The following HS6ST2 variants were observed in gnomAD, a reference collection of about 807,000 sequenced individuals.
HS6ST2 encodes heparan-sulfate 6-O-sulfotransferase 2.
HS6ST2 carries 17 observed loss-of-function variants against 33.0 expected under a neutral mutation model. The ratio of observed to expected loss-of-function variants is 0.52; its 90% CI spans 0.35 to 0.77. The LOEUF (loss-of-function observed/expected upper bound fraction) is 0.77, where lower values mean the gene tolerates loss of function less well. Among genes scored for constraint, HS6ST2 ranks in the 30% least tolerant of loss-of-function variants. HS6ST2 has a pLI of 0.01. For missense variants in HS6ST2, 519 were observed against 551.7 expected, an observed-to-expected ratio of 0.94 and a Z score of 0.59; for synonymous variants, 248 against 237.1, an observed-to-expected ratio of 1.05 and a Z score of -0.42.
chrX:132,810,166 C>G (rs1057189279), intron 2 of HS6ST2, among the ~76,000 whole-genome samples: 1 of 111,616 alleles, frequency 9.0e-6, no homozygotes, highest in African/African-American at 3.3e-5. Context: ...AGTGCTTTGA[C>G]AGGCCGAGGT....
intron 2 of HS6ST2, among the ~76,000 whole-genome samples, chrX:132,916,708 T>C (rs2066596594): frequency 8.9e-6 from 1 of 111,787 alleles, no homozygotes; most frequent in Non-Finnish European, 1.9e-5. Flanking sequence ...TCCGGATTCT[T>C]CAGCTTTTGG....
chrX:132,673,846 C>T (rs1280435438), intron 3 of HS6ST2, among the ~76,000 whole-genome samples: 2 of 111,832 alleles, frequency 1.8e-5, no homozygotes, highest in African/African-American at 6.5e-5. Context: ...TGAAAACTTG[C>T]TTTTCTCTTT....
intron 2 of HS6ST2, among the ~76,000 whole-genome samples, chrX:132,825,403 G>C (rs1486141944): frequency 2.7e-5 from 3 of 111,675 alleles, no homozygotes; most frequent in Non-Finnish European, 5.6e-5. Context: ...GAAATTCTCT[G>C]TCCTATGTTG....
chrX:132,913,149 C>T (rs1168361377), intron 2 of HS6ST2, among the ~76,000 whole-genome samples: 3 of 111,232 alleles, frequency 2.7e-5, no homozygotes, highest in Middle Eastern at 4.2e-3. Context: ...CCTCACACTT[C>T]AGTTGTCAAC....
At chrX:132,946,411 A>G (rs1402699678) in intron 2 of HS6ST2, among the ~76,000 whole-genome samples, 1 of 112,338 alleles carries the variant, frequency 8.9e-6, no homozygotes, top group Non-Finnish European at 1.9e-5. Flanking sequence ...AATTTGGCAC[A>G]TATATGCCAT....
intron 2 of HS6ST2, chrX:132,808,822 C>G (rs1399455280): frequency 8.9e-6 from 1 of 111,886 alleles, no homozygotes; most frequent in Non-Finnish European, 1.9e-5. Context: ...TAGAGGCTCT[C>G]AGGTGGGGCA....
At chrX:132,909,151 C>T (rs1182225704) in intron 2 of HS6ST2, among the ~76,000 whole-genome samples, 2 of 111,663 alleles carry the variant, frequency 1.8e-5, no homozygotes, top group Non-Finnish European at 3.8e-5. Flanking sequence ...GGTGTTACAG[C>T]CTGGCTACCA....
At chrX:132,705,678 C>G (rs1475226048) in intron 3 of HS6ST2, among the ~76,000 whole-genome samples, 3 of 111,985 alleles carry the variant, frequency 2.7e-5, no homozygotes, top group African/African-American at 6.5e-5. Flanking sequence ...AGAAAACTAC[C>G]TGAAGCCAAC....
intron 4 of HS6ST2, among the ~76,000 whole-genome samples, chrX:132,637,550 C>T (rs1471062487): frequency 1.9e-5 from 2 of 105,546 alleles, no homozygotes; most frequent in Non-Finnish European, 3.9e-5. Context: ...AAGGTTTTCC[C>T]TGCACTACTC....
At chrX:132,688,067 C>T (rs1176171161) in intron 3 of HS6ST2, among the ~76,000 whole-genome samples, 1 of 112,480 alleles carries the variant, frequency 8.9e-6, no homozygotes, top group Non-Finnish European at 1.9e-5. Flanking sequence ...TGACAATCCT[C>T]ATACAAATCT....
At chrX:132,745,866 A>G (rs904642640) in intron 2 of HS6ST2, among the ~76,000 whole-genome samples, 2 of 112,115 alleles carry the variant, frequency 1.8e-5, no homozygotes, top group Non-Finnish European at 3.8e-5. Context: ...CTGAGCAACA[A>G]TTGTTTTTCT....
intron 3 of HS6ST2, among the ~76,000 whole-genome samples, chrX:132,683,146 C>T (rs1381674197): frequency 9.0e-6 from 1 of 110,527 alleles, no homozygotes; most frequent in Non-Finnish European, 1.9e-5. Flanking sequence ...TCGAGGTAAA[C>T]AATTAAAAAT....
At chrX:132,644,739 C>T (rs1442143855) in intron 4 of HS6ST2, among the ~76,000 whole-genome samples, 2 of 110,491 alleles carry the variant, frequency 1.8e-5, no homozygotes, top group Admixed American at 9.7e-5. Context: ...CCATTTTATC[C>T]TCTCCCATCC....
At chrX:132,775,687 G>C (rs1437595740) in intron 2 of HS6ST2, among the ~76,000 whole-genome samples, 1 of 111,669 alleles carries the variant, frequency 9.0e-6, no homozygotes, top group African/African-American at 3.3e-5. Flanking sequence ...AGCCGATTGA[G>C]CTCAGATTCA....
At chrX:132,910,077 T>G (rs980207728) in intron 2 of HS6ST2, among the ~76,000 whole-genome samples, 1 of 111,870 alleles carries the variant, frequency 8.9e-6, no homozygotes, top group African/African-American at 3.2e-5. Context: ...TATTTTCACG[T>G]TCGCTCTACC....
intron 2 of HS6ST2, among the ~76,000 whole-genome samples, chrX:132,717,258 C>T (rs912196183): frequency 8.9e-6 from 1 of 112,805 alleles, no homozygotes; most frequent in African/African-American, 3.2e-5. Flanking sequence ...TCCTTTCAGC[C>T]AGCCCCAAAT....
At chrX:132,633,502 A>T (rs1031766874) in intron 4 of HS6ST2, among the ~76,000 whole-genome samples, 1 of 110,949 alleles carries the variant, frequency 9.0e-6, no homozygotes, top group African/African-American at 3.3e-5. Context: ...GACAAAAGGG[A>T]TTCGGGGGAG....
At chrX:132,820,206 GTT>G (rs35273822) in intron 2 of HS6ST2, among the ~76,000 whole-genome samples, 2 of 106,826 alleles carry the variant, frequency 1.9e-5, no homozygotes, top group Non-Finnish European at 3.9e-5. Context: ...ATGCCAGACA[GTT>G]TTTTTTTTAA....
At chrX:132,885,428 A>G (rs780735092) in intron 2 of HS6ST2, among the ~76,000 whole-genome samples, 1 of 111,645 alleles carries the variant, frequency 9.0e-6, no homozygotes, top group Admixed American at 9.6e-5. Flanking sequence ...ATCGGAAGTC[A>G]TGGGTTCTAT....
Sources: gnomAD v4.1 joint callset for allele counts (sites outside exome capture counted in the v4.1 genomes callset) on GRCh38, gnomAD v4.1.1 for gene constraint, MANE v1.5 for transcripts, NCBI Gene and HGNC (gene_info 2026-07-23, HGNC 2026-07-21) for gene names.